The following PPP2R2A variants were observed in gnomAD, a reference collection of about 807,000 sequenced individuals.
PPP2R2A encodes the protein protein phosphatase 2 regulatory subunit Balpha, also known as serine/threonine-protein phosphatase 2A 55 kDa regulatory subunit B alpha isoform.
PPP2R2A carries 9 observed loss-of-function variants against 53.2 expected under a neutral mutation model. The observed-to-expected ratio is 0.17, with a 90% CI of 0.10 to 0.30. The LOEUF (loss-of-function observed/expected upper bound fraction) is 0.30. Among genes scored for constraint, PPP2R2A ranks in the 10% least tolerant of loss-of-function variants. The pLI, the probability that PPP2R2A is intolerant of heterozygous loss-of-function variation, is 1.00. For missense variants in PPP2R2A, 235 were observed against 534.6 expected, an observed-to-expected ratio of 0.44 and a Z score of 5.53; for synonymous variants, 169 against 174.2, an observed-to-expected ratio of 0.97 and a Z score of 0.23.
At chr8:26,349,128 A>C (rs1804364748) in intron 3 of PPP2R2A, among the ~76,000 whole-genome samples, 1 of 152,218 alleles carries the variant, frequency 6.6e-6, no homozygotes, top group Admixed American at 6.5e-5. Context: ...TTCTACCAGT[A>C]GTATGTGACT....
In PPP2R2A at chr8:26,360,511, C is replaced by T. The variant is rs543346688; in HGVS notation, c.459+230C>T. 4 of 332,274 alleles carry T rather than the reference C, an allele frequency of 1.2e-5. No homozygotes were observed. Among genetic ancestry groups the T allele is most frequent in the East Asian group, 1.0e-4 (2 of 19,768 alleles). The allele number at this position is 332,274 out of a possible 1,614,324, so 20.6% of individuals were successfully genotyped here. ...GACTCAAGCACAAGACAGTATTTCA[C>T]GCCATCAGACTTCATCTCTGGTTTG... is the stretch of plus-strand genomic sequence containing the variant. On this transcript the variant is annotated intron_variant, in intron 5 of 9. Coordinates refer to ENST00000380737, the MANE Select transcript of PPP2R2A (RefSeq NM_002717.4). The surrounding 1 kb of genome is among the most constrained non-coding windows in gnomAD (Gnocchi z 4.5).
At chr8:26,335,579 C>T (rs902807137) in intron 2 of PPP2R2A, among the ~76,000 whole-genome samples, 1 of 152,154 alleles carries the variant, frequency 6.6e-6, no homozygotes, top group Non-Finnish European at 1.5e-5. Flanking sequence ...ACTTGGTTGG[C>T]TGTTTCTGAA....
intron 8 of PPP2R2A, chr8:26,365,601 C>T (rs1251061910): frequency 2.6e-5 from 4 of 152,034 alleles, no homozygotes. Context: ...TACTTTGGAA[C>T]TTTTGTTTGT....
In PPP2R2A at chr8:26,291,796, C is replaced by G. The variant is rs1801307248; in HGVS notation, c.-24C>G. The G allele has an allele frequency of 3.7e-6, 6 of 1,602,148 alleles. No individual in the cohort carries two copies. The African/African-American group carries it at 8.1e-5, about 22-fold the overall frequency. On this transcript the variant is annotated 5_prime_UTR_variant, in exon 1 of 10. Coordinates refer to ENST00000380737, the MANE Select transcript of PPP2R2A (RefSeq NM_002717.4). ...GAAGCGGAGACCCCGAGGAACCCAG[C>G]AGGGTCACCATTTGCAGCGCAACAT... is the stretch of plus-strand genomic sequence containing the variant.
In PPP2R2A at chr8:26,291,841, C is replaced by T. The variant is rs1309776764; in HGVS notation, c.7+15C>T. ...CAACATGGCAGGTAAAGGAGAAATC[C>T]CCCTCGCCCCCTGACAAGGCACCGC... On this transcript the variant is annotated intron_variant, in intron 1 of 9. Transcript: ENST00000380737. The T allele has an allele frequency of 5.6e-6, 9 of 1,608,600 alleles. No homozygotes were observed. The highest frequency in any genetic ancestry group is 7.6e-6 in the Non-Finnish European group (9 of 1,177,926).
intron 3 of PPP2R2A, among the ~76,000 whole-genome samples, chr8:26,347,848 A>T (rs1804297933): frequency 6.6e-6 from 1 of 152,190 alleles, no homozygotes; most frequent in African/African-American, 2.4e-5. Context: ...CAAAATCTTG[A>T]AGTGCTCCAT....
intron 3 of PPP2R2A, among the ~76,000 whole-genome samples, chr8:26,345,300 C>A (rs570510255): frequency 6.6e-6 from 1 of 152,164 alleles, no homozygotes; most frequent in Admixed American, 6.5e-5. Context: ...CTGTGCTCTC[C>A]CTAGCCTCAC....
chr8:26,336,986 T>C (rs963739146), intron 2 of PPP2R2A, among the ~76,000 whole-genome samples: 9 of 152,064 alleles, frequency 5.9e-5, no homozygotes, highest in Admixed American at 5.9e-4. Context: ...ATCTCCTTAC[T>C]AAGTGATAGT....
chr8:26,343,411 G>T (rs574681182), intron 3 of PPP2R2A, among the ~76,000 whole-genome samples: 66 of 146,368 alleles, frequency 4.5e-4, no homozygotes, highest in African/African-American at 1.4e-3. Context: ...TCACTCTGTT[G>T]CCCAGGCTGG....
chr8:26,305,442 G>A (rs1048449518), intron 2 of PPP2R2A, among the ~76,000 whole-genome samples: 1 of 152,148 alleles, frequency 6.6e-6, no homozygotes, highest in African/African-American at 2.4e-5. Flanking sequence ...GAACATGAAA[G>A]TGTCAGTTTA....
At chr8:26,368,321 A>G (rs1452122957) in intron 9 of PPP2R2A, among the ~76,000 whole-genome samples, 1 of 152,236 alleles carries the variant, frequency 6.6e-6, no homozygotes, top group Non-Finnish European at 1.5e-5. Context: ...ACTTTGAACA[A>G]TTCCCCAGTA....
chr8:26,327,803 G>A (rs1305198838), intron 2 of PPP2R2A, among the ~76,000 whole-genome samples: 1 of 152,192 alleles, frequency 6.6e-6, no homozygotes, highest in Non-Finnish European at 1.5e-5. Flanking sequence ...GGGGCCAATT[G>A]TAAAGTTCAT....
At chr8:26,316,129 C>T (rs144616523) in intron 2 of PPP2R2A, among the ~76,000 whole-genome samples, 69 of 152,234 alleles carry the variant, frequency 4.5e-4, no homozygotes, top group African/African-American at 1.1e-3. Flanking sequence ...CTCAGCCTCC[C>T]GAGTAGCTGG....
rs1189439586 is a variant in PPP2R2A, at chr8:26,321,085, A to G, written c.83-17805A>G. On this transcript the variant is annotated intron_variant, in intron 2 of 9. Coordinates refer to ENST00000380737, the MANE Select transcript of PPP2R2A (RefSeq NM_002717.4). The surrounding 1 kb of genome is among the most constrained non-coding windows in gnomAD (Gnocchi z 4.1). ...CCTGGAACGGTGCCATAACTAAACT[A>G]AAAAAATTTTAGCAGGAAACAGTAC... Among the ~76,000 whole-genome samples the G allele has an allele frequency of 6.6e-6, 1 of 152,158 alleles. No homozygotes were observed. Among genetic ancestry groups the G allele is most frequent in the Non-Finnish European group, 1.5e-5 (1 of 68,026 alleles).
intron 2 of PPP2R2A, chr8:26,293,960 G>A: frequency 1.9e-6 from 1 of 526,492 alleles, no homozygotes; most frequent in Non-Finnish European, 3.4e-6. Flanking sequence ...AATTTACATG[G>A]AAGGAGCGGT....
intron 2 of PPP2R2A, among the ~76,000 whole-genome samples, chr8:26,329,240 A>C (rs1174187270): frequency 6.6e-6 from 1 of 151,626 alleles, no homozygotes; most frequent in Non-Finnish European, 1.5e-5. Flanking sequence ...TTTCTCTGTG[A>C]CTCTTAATTG....
chr8:26,360,199 A>C lies in PPP2R2A; in HGVS notation c.377A>C (p.Glu126Ala). The change falls in exon 5 of 10, where the codon GAA (glutamate) becomes GCA (alanine). Residue 126 changes from glutamate to alanine, a missense_variant. Around this residue, in one of 3 missense-constraint regions of PPP2R2A, gnomAD observed 181 missense variants for 409.9 expected, o/e 0.44. Transcript: ENST00000380737. This position sits in a 1 kb window ranked among gnomAD's most constrained non-coding sequence, Gnocchi z 4.5. ...ACAATAAAATTATGGAAAATCAGTG[A>C]AAGGGACAAAAGACCAGAAGGGTAT... ...DKTIKLWKIS[E>A]RDKRPEGYNL... The C allele has an allele frequency of 6.2e-7, 1 of 1,607,882 alleles. No individual in the cohort carries two copies. Among genetic ancestry groups the C allele is most frequent in the East Asian group, 2.2e-5 (1 of 44,778 alleles).
chr8:26,309,500 C>T (rs766502067), intron 2 of PPP2R2A, among the ~76,000 whole-genome samples: 3 of 152,112 alleles, frequency 2.0e-5, no homozygotes, highest in Non-Finnish European at 4.4e-5. Flanking sequence ...TGCATTAGCC[C>T]CTAACAAAAG....
In PPP2R2A at chr8:26,372,376, A is replaced by ATG. The variant is rs890206242; in HGVS notation, c.*1964_*1965insGT. 2 of 152,018 alleles carry ATG rather than the reference A, an allele frequency of 1.3e-5. No homozygotes were observed. Among genetic ancestry groups the ATG allele is most frequent in the African/African-American group, 4.8e-5 (2 of 41,402 alleles). 9.4% of individuals were successfully genotyped at this position (152,018 alleles called of 1,614,324 possible). A position where few individuals can be genotyped will look rare whatever the true frequency, so the allele number is the denominator to read the frequency against. On this transcript the variant is annotated 3_prime_UTR_variant, in exon 10 of 10. Transcript: ENST00000380737. Reference sequence around the variant, plus strand: ...CAGTTTTCCAGATCTTTTTTGGGAGATTTTCCTACAGCTTGGTTGTATGTC... The same window carrying ATG: ...CAGTTTTCCAGATCTTTTTTGGGAGATGTTTTCCTACAGCTTGGTTGTATGTC...
Sources: allele counts gnomAD v4.1 joint callset (sites outside exome capture counted in the v4.1 genomes callset), GRCh38; gene constraint gnomAD v4.1.1; regional missense constraint gnomAD v4.1.1; non-coding constraint Gnocchi (gnomAD v3.1); transcripts MANE v1.5; gene names NCBI Gene and HGNC (gene_info 2026-07-23, HGNC 2026-07-21).